EDEM3: variants seen among roughly 807,000 people sequenced by gnomAD.
EDEM3 encodes ER degradation-enhancing alpha-mannosidase-like protein 3.
Under a neutral mutation model 110.2 loss-of-function variants are expected in EDEM3, and 60 were observed. The ratio of observed to expected loss-of-function variants is 0.54; its 90% CI spans 0.44 to 0.67. The LOEUF (loss-of-function observed/expected upper bound fraction) is 0.67, where lower values mean the gene tolerates loss of function less well. EDEM3 is among the 30% of genes least tolerant of loss of function. The pLI, the probability that EDEM3 is intolerant of heterozygous loss-of-function variation, is 0.00. For synonymous variants in EDEM3, 352 were observed against 382.9 expected (o/e 0.92, Z 0.94); for missense variants, 996 against 1,121.0 (o/e 0.89, Z 1.59).
intron 9 of EDEM3, chr1:184,720,658 A>G (rs998317031): frequency 6.6e-6 from 1 of 152,464 alleles, no homozygotes; most frequent in African/African-American, 2.4e-5. Context: ...TGTCTCATAC[A>G]TACAACATGG....
rs188494368 is a variant in EDEM3, at chr1:184,714,377, G to A, written c.1371-1779C>T. 2.0e-5 allele frequency among the ~76,000 whole-genome samples: 3 copies of A among 152,216 alleles called. No homozygotes were observed. The East Asian group carries it at 5.8e-4, about 29-fold the overall frequency. ...ACAGTGGTAATCTTACGCAGTTAGGGGACAGTGTCTTAGCAAATATTTTCC... is the reference window on the plus strand; with the variant it reads ...ACAGTGGTAATCTTACGCAGTTAGGAGACAGTGTCTTAGCAAATATTTTCC... On this transcript the variant is annotated intron_variant, in intron 13 of 19. Transcript: ENST00000318130.
chr1:184,711,964 T>C (rs1036872054), intron 14 of EDEM3, 87 bp from the exon 15 acceptor site: 17 of 1,057,042 alleles, frequency 1.6e-5, no homozygotes, highest in Non-Finnish European at 2.3e-5. Context: ...TCTCACTCTG[T>C]TGCCCAGGCT....
At chr1:184,700,156 G>A (rs1288903860) in intron 19 of EDEM3, among the ~76,000 whole-genome samples, 2 of 151,916 alleles carry the variant, frequency 1.3e-5, no homozygotes, top group Non-Finnish European at 2.9e-5. Context: ...GCTTCTAAAT[G>A]TGTATTAAGA....
At chr1:184,730,068 T>C (rs929868405) in intron 6 of EDEM3, among the ~76,000 whole-genome samples, 5 of 152,316 alleles carry the variant, frequency 3.3e-5, no homozygotes, top group East Asian at 3.9e-4. Flanking sequence ...ATTCAATTTT[T>C]CCTCATTAAG....
intron 6 of EDEM3, among the ~76,000 whole-genome samples, chr1:184,727,579 A>G (rs1651259737): frequency 6.6e-6 from 1 of 152,158 alleles, no homozygotes; most frequent in Non-Finnish European, 1.5e-5. Context: ...TGTCCAATCA[A>G]CAGATTCCAG....
Position 184,721,994 on chromosome 1 carries a change from C to T in EDEM3, c.854-608G>A, listed in dbSNP as rs114675216. ...ATGTTTGTAGCAATATGTTGATGCA[C>T]AAAATATCAAAAATACAAGTCTGGA... On this transcript the variant is annotated intron_variant, in intron 8 of 19. Transcript: ENST00000318130. 6.9e-3 allele frequency among the ~76,000 whole-genome samples: 1,050 copies of T among 151,988 alleles called. 6 individuals carry two copies. Among genetic ancestry groups the T allele is most frequent in the African/African-American group, 0.023 (963 of 41,500 alleles).
Position 184,741,762 on chromosome 1 carries a change from C to T in EDEM3, c.205-4051G>A, listed in dbSNP as rs149734662. Among the ~76,000 whole-genome samples, 465 of 152,226 alleles carry T rather than the reference C, an allele frequency of 3.1e-3. 5 individuals are homozygous for T. In the East Asian group the frequency reaches 0.036, roughly 12 times the overall value. ...TATTTGTTTTAAAATAAGAGTATAA[C>T]GGGTATTGTAGTTCTCTGATATTCC... is the stretch of plus-strand genomic sequence containing the variant. On this transcript the variant is annotated intron_variant, in intron 2 of 19. Transcript: ENST00000318130.
At chr1:184,715,253 C>G (rs1234984150) in intron 13 of EDEM3, among the ~76,000 whole-genome samples, 1 of 152,004 alleles carries the variant, frequency 6.6e-6, no homozygotes, top group African/African-American at 2.4e-5. Context: ...GGTCCAGAAA[C>G]AATGTCATAA....
intron 2 of EDEM3, among the ~76,000 whole-genome samples, chr1:184,747,798 A>T (rs1218680313): frequency 6.6e-6 from 1 of 152,258 alleles, no homozygotes; most frequent in African/African-American, 2.4e-5. Context: ...AAACCTACTA[A>T]GTGTATTCTA....
intron 11 of EDEM3, among the ~76,000 whole-genome samples, chr1:184,718,296 G>A (rs954209734): frequency 1.3e-5 from 2 of 151,786 alleles, no homozygotes; most frequent in Non-Finnish European, 2.9e-5. Flanking sequence ...ATAATCAATT[G>A]GTTTTTAAAA....
At position 184,711,754 on chromosome 1, in the gene EDEM3, C is replaced by T. The variant is rs1470301178; in HGVS notation, c.1660G>A (p.Asp554Asn). 3 of 1,612,548 alleles carry T rather than the reference C, an allele frequency of 1.9e-6. No individual in the cohort carries two copies. The highest frequency in any genetic ancestry group is 2.7e-5 in the African/African-American group (2 of 74,804). ...SIREPLKNVV[D>N]KSCPRGIIRV... ...ATGATGCCTCTAGGACAGCTCTTAT[C>T]CACCACATTTTTCAAGGGCTCACGA... Residue 554 changes from aspartate to asparagine, a missense_variant, in exon 15 of 20, where the codon GAT becomes AAT. Transcript: ENST00000318130.
At position 184,737,052 on chromosome 1, in the gene EDEM3, T is replaced by C; in HGVS notation, c.318A>G (p.Thr106=). ...VDDALGKFSL[T]LIDSLDTLVV... is the part of the protein sequence containing the mutation. Reference sequence around the variant, plus strand: ...CAAGAGTGTCCAAAGAATCAATCAGTGTCAGAGAAAATCTAAGAAACAAGC... The same window carrying C: ...CAAGAGTGTCCAAAGAATCAATCAGCGTCAGAGAAAATCTAAGAAACAAGC... Residue 106 remains threonine, a synonymous_variant, in exon 4 of 20, where the codon ACA becomes ACG. Coordinates refer to ENST00000318130, the MANE Select transcript of EDEM3 (RefSeq NM_025191.4). 1 of 1,607,254 alleles carries C rather than the reference T, an allele frequency of 6.2e-7. No individual in the cohort carries two copies. Among genetic ancestry groups the C allele is most frequent in the Non-Finnish European group, 8.5e-7 (1 of 1,178,180 alleles).
In EDEM3 at chr1:184,691,786, A is replaced by G. The variant is rs1286327329; in HGVS notation, c.*2277T>C. ...TTTCTTAACTAGGGAAATATTGAGT[A>G]TAATTCCTTCTGGGTATTAAGAAAA... On this transcript the variant is annotated 3_prime_UTR_variant, in exon 20 of 20. Coordinates refer to ENST00000318130, the MANE Select transcript of EDEM3 (RefSeq NM_025191.4). The G allele has an allele frequency of 6.6e-6, 1 of 152,160 alleles. No homozygotes were observed. Among genetic ancestry groups the G allele is most frequent in the South Asian group, 2.1e-4 (1 of 4,838 alleles). 9.4% of individuals were successfully genotyped at this position (152,160 alleles called of 1,614,324 possible). A position where few individuals can be genotyped will look rare whatever the true frequency, so the allele number is the denominator to read the frequency against.
intron 1 of EDEM3, among the ~76,000 whole-genome samples, chr1:184,751,035 C>T (rs938983971): frequency 1.6e-4 from 25 of 152,016 alleles, no homozygotes; most frequent in African/African-American, 6.0e-4. Context: ...ATCAAGTACA[C>T]TCAAACTTGT....
chr1:184,706,599 T>C, intron 18 of EDEM3, 44 bp downstream of exon 18: 1 of 1,439,086 alleles, frequency 6.9e-7, no homozygotes, highest in Non-Finnish European at 9.2e-7. Context: ...ATCCTAAAAA[T>C]TATCTCCCCT....
At chr1:184,710,588 A>G in intron 15 of EDEM3, 41 bp from the exon 16 acceptor site, 1 of 1,541,008 alleles carries the variant, frequency 6.5e-7, no homozygotes, top group Non-Finnish European at 8.7e-7. Context: ...AAAACTATAA[A>G]TTAGAATTGG....
chr1:184,710,231 G>A (rs1318626651), intron 16 of EDEM3, among the ~76,000 whole-genome samples, 163 bp downstream of exon 16: 1 of 152,082 alleles, frequency 6.6e-6, no homozygotes, highest in Non-Finnish European at 1.5e-5. Context: ...AGTTGAATTA[G>A]GTGACTTTCC....
chr1:184,724,252 A>T (rs1471774389), intron 7 of EDEM3, among the ~76,000 whole-genome samples: 1 of 152,118 alleles, frequency 6.6e-6, no homozygotes, highest in Non-Finnish European at 1.5e-5. Flanking sequence ...TTAAAGGCAA[A>T]GTAAAAATCT....
intron 6 of EDEM3, among the ~76,000 whole-genome samples, chr1:184,730,433 A>C (rs1651444566): frequency 6.6e-6 from 1 of 151,978 alleles, no homozygotes; most frequent in Non-Finnish European, 1.5e-5. Context: ...AATTTTTTTT[A>C]AAAATCAGCC....
Sources: allele counts gnomAD v4.1 joint callset (sites outside exome capture counted in the v4.1 genomes callset), GRCh38; gene constraint gnomAD v4.1.1; transcripts MANE v1.5; gene names NCBI Gene and HGNC (gene_info 2026-07-23, HGNC 2026-07-21).